The following ZNF608 variants were observed in gnomAD, a reference collection of about 807,000 sequenced individuals.
The protein encoded by ZNF608 is zinc finger protein 608, also known as renal carcinoma antigen NY-REN-36.
A neutral mutation model predicts 109.0 loss-of-function variants in ZNF608; 12 were observed. That is an observed-to-expected ratio of 0.11 (90% CI 0.07 to 0.18). The LOEUF (loss-of-function observed/expected upper bound fraction) is 0.18. Among genes scored for constraint, ZNF608 ranks in the 10% least tolerant of loss-of-function variants. The pLI, the probability that ZNF608 is intolerant of heterozygous loss-of-function variation, is 1.00. For synonymous variants in ZNF608, 732 were observed against 717.4 expected (o/e 1.02, Z -0.33); for missense variants, 1,707 against 1,879.3 (o/e 0.91, Z 1.70).
intron 2 of ZNF608, among the ~76,000 whole-genome samples, chr5:124,725,069 C>T (rs994196676): frequency 5.3e-5 from 8 of 152,082 alleles, no homozygotes; most frequent in African/African-American, 1.9e-4. Context: ...TCCTCAAACA[C>T]ACCAAATACA....
At chr5:124,712,040 G>A (rs549670250) in intron 2 of ZNF608, among the ~76,000 whole-genome samples, 7 of 152,214 alleles carry the variant, frequency 4.6e-5, no homozygotes, top group Non-Finnish European at 4.4e-5. Flanking sequence ...CCAGGTACTC[G>A]GGAGGCTGAG....
Position 124,639,268 on chromosome 5 carries a change from T to C in ZNF608, c.4451-54A>G, listed in dbSNP as rs556942146. The C allele has an allele frequency of 1.6e-4, 245 of 1,544,476 alleles. 1 individual carries two copies. In the East Asian group the frequency reaches 5.1e-3, roughly 32 times the overall value. The stretch of plus-strand genomic sequence containing the variant: ...TGATCTTTAGAAGGATAAGAGTAGA[T>C]ACAGGCCCAGTGGAGAAGGGCCGCA... On this transcript the variant is annotated intron_variant, in intron 8 of 9. Transcript: ENST00000513986.
At chr5:124,640,012 T>G in intron 8 of ZNF608, among the ~76,000 whole-genome samples, 1 of 152,216 alleles carries the variant, frequency 6.6e-6, no homozygotes, top group East Asian at 1.9e-4. Flanking sequence ...ATAAAACCTC[T>G]TTCTCTTCCA....
intron 8 of ZNF608, 70 bp downstream of exon 8, chr5:124,641,182 G>T: frequency 6.3e-7 from 1 of 1,595,556 alleles, no homozygotes; most frequent in South Asian, 1.1e-5. Context: ...TTTAAGATGT[G>T]AAATGCAATT....
chr5:124,673,164 G>A (rs28611427), intron 3 of ZNF608, among the ~76,000 whole-genome samples: 17,983 of 152,084 alleles, frequency 0.12, 1,827 homozygotes, highest in African/African-American at 0.28. Flanking sequence ...AGCATAGTTT[G>A]TGCATCCTTT....
chr5:124,693,972 A>ATTTTTTTTTTTTTTTTTTTTT (rs1561564262), intron 3 of ZNF608, among the ~76,000 whole-genome samples: 1 of 23,298 alleles, frequency 4.3e-5, no homozygotes, highest in African/African-American at 2.3e-4. Flanking sequence ...CATTTCATTA[A>ATTTTTTTTTTTTTTTTTTTTT]TCTTTTTTTT....
Position 124,649,103 on chromosome 5 carries a change from C to A in ZNF608, c.1281G>T (p.Glu427Asp). ...RFCESPTSDLEMRGGRGRGKR... is the reference protein window; with the variant it reads ...RFCESPTSDLDMRGGRGRGKR... The stretch of plus-strand genomic sequence containing the variant: ...TCCCTCTGCCCCGGCCCCCTCTCAT[C>A]TCCAGGTCACTTGTCGGTGACTCAC... Residue 427 changes from glutamate to aspartate, a missense_variant, in exon 5 of 10, where the codon GAG becomes GAT. By Grantham distance (45) the Glu-to-Asp change is conservative. Around this residue, in one of 7 missense-constraint regions of ZNF608, gnomAD observed 166 missense variants for 204.2 expected, o/e 0.81. Coordinates refer to ENST00000513986, the MANE Select transcript of ZNF608 (RefSeq NM_020747.3). 1.3e-6 allele frequency: 2 copies of A among 1,576,252 alleles called. No individual in the cohort carries two copies. The highest frequency in any genetic ancestry group is 1.7e-6 in the Non-Finnish European group (2 of 1,166,082).
chr5:124,676,655 G>C (rs1751957363), intron 3 of ZNF608, among the ~76,000 whole-genome samples: 1 of 152,204 alleles, frequency 6.6e-6, no homozygotes, highest in Non-Finnish European at 1.5e-5. Flanking sequence ...GAGAAAGTGT[G>C]TGAAATAGTA....
At chr5:124,738,069 C>A (rs1006538665) in intron 2 of ZNF608, among the ~76,000 whole-genome samples, 1 of 152,184 alleles carries the variant, frequency 6.6e-6, no homozygotes. Context: ...CCCAATCCAA[C>A]ATCTGTATAT....
chr5:124,642,037 A>G (rs1750267290), intron 7 of ZNF608, among the ~76,000 whole-genome samples: 1 of 152,184 alleles, frequency 6.6e-6, no homozygotes, highest in African/African-American at 2.4e-5. Context: ...CCCTTTAACT[A>G]AAGTTATACT....
intron 3 of ZNF608, among the ~76,000 whole-genome samples, chr5:124,656,609 T>G (rs1751019898): frequency 6.6e-6 from 1 of 152,146 alleles, no homozygotes; most frequent in African/African-American, 2.4e-5. Flanking sequence ...AAATGAAACC[T>G]TAAGCAATAA....
chr5:124,720,692 A>C (rs1372968054), intron 2 of ZNF608, among the ~76,000 whole-genome samples: 1 of 152,198 alleles, frequency 6.6e-6, no homozygotes, highest in African/African-American at 2.4e-5. Flanking sequence ...CCTATGATTA[A>C]AGTGTCAGAA....
intron 3 of ZNF608, among the ~76,000 whole-genome samples, chr5:124,678,311 G>T (rs1752045505): frequency 6.6e-6 from 1 of 151,990 alleles, no homozygotes; most frequent in Non-Finnish European, 1.5e-5. Flanking sequence ...CTCCACTTTG[G>T]GACAAAAATC....
chr5:124,701,410 G>A, intron 2 of ZNF608, 141 bp from the exon 3 acceptor site: 1 of 1,100,108 alleles, frequency 9.1e-7, no homozygotes, highest in Non-Finnish European at 1.3e-6. Context: ...TTTTAATGGT[G>A]CCAAAATATA....
chr5:124,674,200 C>A (rs1201692695), intron 3 of ZNF608, among the ~76,000 whole-genome samples: 4 of 152,172 alleles, frequency 2.6e-5, no homozygotes, highest in African/African-American at 7.2e-5. Flanking sequence ...TAAATTGAAT[C>A]ATCAGGTAAA....
rs759853846 is a variant in ZNF608, at chr5:124,641,398, T to C, written c.4304A>G (p.Glu1435Gly). 61 of 1,610,036 alleles carry C rather than the reference T, an allele frequency of 3.8e-5. No individual in the cohort carries two copies. Among genetic ancestry groups the C allele is most frequent in the Non-Finnish European group, 4.8e-5 (57 of 1,177,268 alleles). The change falls in exon 8 of 10, where the codon GAA becomes GGA. Residue 1435 changes from glutamate (E) to glycine (G), a missense_variant. Glu to Gly is a moderately conservative substitution (Grantham distance 98). Transcript: ENST00000513986. Reference protein sequence around the residue: ...QYRSKSPAPVEKATAEREREA... With the variant: ...QYRSKSPAPVGKATAEREREA... ...CCGTTCCCGCTCAGCTGTAGCCTTT[T>C]CCACAGGCTGCAACAGAAAAGAGAA...
intron 3 of ZNF608, among the ~76,000 whole-genome samples, chr5:124,691,979 GT>G (rs751547383): frequency 6.6e-5 from 10 of 151,950 alleles, no homozygotes; most frequent in Non-Finnish European, 1.2e-4. Context: ...AGATTATAGA[GT>G]TTTTTCCCAT....
intron 2 of ZNF608, among the ~76,000 whole-genome samples, chr5:124,736,891 C>A (rs1034514712): frequency 6.6e-6 from 1 of 152,102 alleles, no homozygotes; most frequent in Non-Finnish European, 1.5e-5. Context: ...TTTAAAAATT[C>A]TCTGCCACAT....
At chr5:124,748,504 A>G (rs760389025), upstream of ZNF608, 6 of 983,250 alleles carry the variant, frequency 6.1e-6, no homozygotes, top group Non-Finnish European at 7.2e-6. Flanking sequence ...TAAGTGCTAT[A>G]TAGAGACACA....
Sources: gnomAD v4.1 joint callset for allele counts (sites outside exome capture counted in the v4.1 genomes callset) on GRCh38, gnomAD v4.1.1 for gene constraint, gnomAD v4.1.1 regional missense constraint, MANE v1.5 for transcripts, NCBI Gene and HGNC (gene_info 2026-07-23, HGNC 2026-07-21) for gene names.